Variants in TASP1 observed in about 807,000 individuals in gnomAD.
TASP1 encodes threonine aspartase 1.
A neutral mutation model predicts 56.6 loss-of-function variants in TASP1; 16 were observed. The observed-to-expected ratio is 0.28, with a 90% confidence interval of 0.19 to 0.43. TASP1 has a LOEUF of 0.43. Among genes scored for constraint, TASP1 ranks in the 20% least tolerant of loss-of-function variants. The pLI, the probability that TASP1 is intolerant of heterozygous loss-of-function variation, is 1.00. For synonymous variants in TASP1, 179 were observed against 184.2 expected, an observed-to-expected ratio of 0.97 and a Z score of 0.23; for missense variants, 393 against 511.6, an observed-to-expected ratio of 0.77 and a Z score of 2.24.
At chr20:13,372,722 T>C in the TASP1 span, among the ~76,000 whole-genome samples, 1 of 152,114 alleles carries the variant, frequency 6.6e-6, no homozygotes, top group African/African-American at 2.4e-5. Flanking sequence ...ATTTTACTGC[T>C]TTATTTTGCA....
chr20:13,407,532 T>G (rs1654596471), intron 13 of TASP1, among the ~76,000 whole-genome samples: 1 of 152,250 alleles, frequency 6.6e-6, no homozygotes. Flanking sequence ...AATGCTGCTA[T>G]AAGTATCTAT....
At chr20:13,470,216 C>T (rs1014800706) in intron 11 of TASP1, among the ~76,000 whole-genome samples, 9 of 152,002 alleles carry the variant, frequency 5.9e-5, no homozygotes, top group Admixed American at 2.6e-4. Flanking sequence ...AAGCTTTCTG[C>T]GTCTTGTTTT....
chr20:13,270,439 G>A, the TASP1 span: 2 of 1,534,204 alleles, frequency 1.3e-6, no homozygotes, highest in South Asian at 2.4e-5. Flanking sequence ...ATAATGGACT[G>A]TTAAGGGTGA....
At chr20:13,466,882 A>G (rs931769340) in intron 11 of TASP1, among the ~76,000 whole-genome samples, 1 of 152,180 alleles carries the variant, frequency 6.6e-6, no homozygotes, top group Admixed American at 6.5e-5. Context: ...GAATTTTCTC[A>G]GTTTTTATAA....
the TASP1 span, among the ~76,000 whole-genome samples, chr20:13,129,077 G>T: frequency 6.6e-6 from 1 of 151,918 alleles, no homozygotes; most frequent in East Asian, 1.9e-4. Flanking sequence ...GGTCTCGCCA[G>T]ATTGGTCTCA....
At chr20:13,374,799 C>T in the TASP1 span, among the ~76,000 whole-genome samples, 2 of 152,176 alleles carry the variant, frequency 1.3e-5, no homozygotes, top group African/African-American at 4.8e-5. Flanking sequence ...TTGATAAAAC[C>T]ATTTCTCTCA....
intron 11 of TASP1, among the ~76,000 whole-genome samples, chr20:13,449,233 C>A (rs777568700): frequency 4.6e-5 from 7 of 152,078 alleles, no homozygotes; most frequent in Non-Finnish European, 1.0e-4. Context: ...CCAAATAATG[C>A]AGGTGAGCAA....
intron 4 of TASP1, among the ~76,000 whole-genome samples, chr20:13,617,766 G>C (rs1451647382): frequency 1.3e-5 from 2 of 152,104 alleles, no homozygotes; most frequent in African/African-American, 4.8e-5. Context: ...TAGGGAGCAG[G>C]GTGTGGTTAA....
At chr20:13,545,394 C>A (rs1193378710) in intron 8 of TASP1, among the ~76,000 whole-genome samples, 1 of 152,100 alleles carries the variant, frequency 6.6e-6, no homozygotes, top group Non-Finnish European at 1.5e-5. Context: ...GTTCAAATAG[C>A]CACAAGGATG....
intron 10 of TASP1, among the ~76,000 whole-genome samples, chr20:13,501,735 C>G (rs2043955230): frequency 6.6e-6 from 1 of 151,878 alleles, no homozygotes; most frequent in Non-Finnish European, 1.5e-5. Context: ...CTAGAATAAT[C>G]TTTTTATTAA....
the TASP1 span, among the ~76,000 whole-genome samples, chr20:13,295,484 C>A: frequency 6.6e-6 from 1 of 152,188 alleles, no homozygotes; most frequent in South Asian, 2.1e-4. Context: ...TCCTGCATAA[C>A]CTTAGTTTGC....
the TASP1 span, chr20:13,221,964 G>T: frequency 7.7e-7 from 1 of 1,298,622 alleles, no homozygotes; most frequent in South Asian, 2.2e-5. Context: ...GACGGTTTGT[G>T]GGGCGGGGGT....
intron 13 of TASP1, among the ~76,000 whole-genome samples, chr20:13,399,278 A>T (rs565911986): frequency 2.8e-4 from 42 of 152,206 alleles, no homozygotes; most frequent in African/African-American, 8.4e-4. Flanking sequence ...AATGTTTTTT[A>T]AAAAAATGTT....
chr20:13,245,203 T>G, the TASP1 span: 1 of 152,190 alleles, frequency 6.6e-6, no homozygotes, highest in African/African-American at 2.4e-5. Flanking sequence ...GTTTATTATC[T>G]CAGAACTTCC....
the TASP1 span, among the ~76,000 whole-genome samples, chr20:13,198,808 TTCTTTC>T: frequency 1.1e-5 from 1 of 88,636 alleles, no homozygotes; most frequent in Admixed American, 1.1e-4. Flanking sequence ...CTTTCTTTCT[TTCTTTC>T]TTTCTTTCTT....
In TASP1 at chr20:13,434,684, A is replaced by AGGAATGCTTCTCATTCCTTTT. The variant is rs2042942371; in HGVS notation, c.1096+359_1096+360insAAAAGGAATGAGAAGCATTCC. On this transcript the variant is annotated intron_variant, in intron 12 of 13. Coordinates refer to ENST00000337743, the MANE Select transcript of TASP1 (RefSeq NM_017714.3). ...ACATGCTTCTCATTCCTTTTGGGGA[A>AGGAATGCTTCTCATTCCTTTT]GGGGAACAGGAAGAAGCCTCTCTAT... 3.3e-5 allele frequency among the ~76,000 whole-genome samples: 5 copies of AGGAATGCTTCTCATTCCTTTT among 152,234 alleles called. No homozygotes were observed. In the South Asian group the frequency reaches 1.0e-3, roughly 32 times the overall value.
chr20:13,274,560 C>A, the TASP1 span, among the ~76,000 whole-genome samples: 1 of 152,214 alleles, frequency 6.6e-6, no homozygotes, highest in Non-Finnish European at 1.5e-5. Context: ...CCCCTTCAGG[C>A]TCTGGAAGTG....
intron 8 of TASP1, among the ~76,000 whole-genome samples, chr20:13,556,050 T>A (rs989951627): frequency 2.0e-5 from 3 of 152,138 alleles, no homozygotes; most frequent in Non-Finnish European, 4.4e-5. Context: ...CTGAGCCCAT[T>A]AAGTTGGAGA....
At position 13,444,987 on chromosome 20, in the gene TASP1, T is replaced by G. The variant is rs140114293; in HGVS notation, c.986-9833A>C. Reference sequence around the variant, plus strand: ...ATATTAAGGTCTCCAAATTAACTTTTAAAGAGGAGAGGAGAGTTGAATTGA... The same window carrying G: ...ATATTAAGGTCTCCAAATTAACTTTGAAAGAGGAGAGGAGAGTTGAATTGA... On this transcript the variant is annotated intron_variant, in intron 11 of 13. Coordinates refer to ENST00000337743, the MANE Select transcript of TASP1 (RefSeq NM_017714.3). 1.1e-3 allele frequency among the ~76,000 whole-genome samples: 170 copies of G among 152,270 alleles called. 1 individual carries two copies. The highest frequency in any genetic ancestry group is 3.4e-3 in the Middle Eastern group (1 of 294).
Sources: gnomAD v4.1 joint callset for allele counts (sites outside exome capture counted in the v4.1 genomes callset) on GRCh38, gnomAD v4.1.1 for gene constraint, MANE v1.5 for transcripts, NCBI Gene and HGNC (gene_info 2026-07-23, HGNC 2026-07-21) for gene names.